The following SATL1 variants were observed in gnomAD, a reference collection of about 807,000 sequenced individuals.
SATL1 encodes the protein spermidine/spermine N1-acetyl transferase like 1.
In SATL1, 47 loss-of-function variants were observed where a neutral mutation model predicts 51.8. The ratio of observed to expected loss-of-function variants is 0.91; its 90% CI spans 0.72 to 1.16. The LOEUF (loss-of-function observed/expected upper bound fraction) is 1.16. SATL1 is among the 50% of genes most tolerant of loss of function. The pLI, the probability that SATL1 is intolerant of heterozygous loss-of-function variation, is 0.00. For missense variants in SATL1, 520 were observed against 526.4 expected (o/e 0.99, Z 0.12); for synonymous variants, 176 against 182.4 (o/e 0.97, Z 0.28).
At chrX:85,237,456 C>G (rs1179081778) in intron 1 of SATL1, among the ~76,000 whole-genome samples, 1 of 111,522 alleles carries the variant, frequency 9.0e-6, no homozygotes, top group African/African-American at 3.3e-5. Flanking sequence ...CAAGAACATA[C>G]ACTGGAGTAA....
At chrX:85,153,802 G>T (rs1314294532) in intron 2 of SATL1, 1 of 111,235 alleles carries the variant, frequency 9.0e-6, no homozygotes, top group East Asian at 2.8e-4. Flanking sequence ...CTCTGGATCT[G>T]ATTTTAGTAG....
At chrX:85,140,190 G>C (rs1237870644) in intron 2 of SATL1, among the ~76,000 whole-genome samples, 1 of 112,072 alleles carries the variant, frequency 8.9e-6, no homozygotes, top group Non-Finnish European at 1.9e-5. Context: ...ATTCAAGGAT[G>C]AAAGCTAAAA....
chrX:85,154,526 T>C (rs1276831771), intron 2 of SATL1, among the ~76,000 whole-genome samples: 2 of 111,988 alleles, frequency 1.8e-5, no homozygotes, highest in African/African-American at 6.5e-5. Context: ...GGCTGAATTA[T>C]AAATGTTTCA....
At chrX:85,181,038 T>C (rs1029786711) in intron 2 of SATL1, among the ~76,000 whole-genome samples, 12 of 108,798 alleles carry the variant, frequency 1.1e-4, no homozygotes, top group Non-Finnish European at 2.1e-4. Context: ...AAGAGAAAAA[T>C]GTGTCATTTG....
chrX:85,219,280 G>GTA (rs1223698196), intron 2 of SATL1: 1 of 112,286 alleles, frequency 8.9e-6, no homozygotes, highest in African/African-American at 3.2e-5. Context: ...AACACTGTGA[G>GTA]TATGAATTAT....
chrX:85,096,279 C>G (rs1015799564), intron 4 of SATL1, among the ~76,000 whole-genome samples: 36 of 110,577 alleles, frequency 3.3e-4, no homozygotes, highest in African/African-American at 1.2e-3. Context: ...ATGCACTGTA[C>G]TGGAGGGGTT....
At chrX:85,113,967 C>T (rs1658394389) in intron 2 of SATL1, among the ~76,000 whole-genome samples, 1 of 111,599 alleles carries the variant, frequency 9.0e-6, no homozygotes, top group East Asian at 2.8e-4. Context: ...ACTGTGTATA[C>T]AGGGTATGAG....
chrX:85,191,006 T>C (rs967200849), intron 2 of SATL1, among the ~76,000 whole-genome samples: 2 of 105,405 alleles, frequency 1.9e-5, no homozygotes, highest in Non-Finnish European at 3.9e-5. Flanking sequence ...CATTAGGAGA[T>C]ATACCTAATG....
chrX:85,096,749 G>T (rs1924732443), intron 4 of SATL1, among the ~76,000 whole-genome samples: 2 of 109,956 alleles, frequency 1.8e-5, no homozygotes, highest in Admixed American at 2.0e-4. Context: ...TTTAAAGTCT[G>T]GGGGGCAGGG....
intron 3 of SATL1, among the ~76,000 whole-genome samples, 196 bp from the exon 4 acceptor site, chrX:85,104,111 TAAAG>T (rs889948623): frequency 5.4e-5 from 6 of 111,703 alleles, no homozygotes; most frequent in African/African-American, 1.3e-4. Context: ...TAAATATTAT[TAAAG>T]AGAGAGATTA....
chrX:85,112,435 C>T (rs1925281831), intron 2 of SATL1, among the ~76,000 whole-genome samples: 1 of 111,067 alleles, frequency 9.0e-6, no homozygotes, highest in African/African-American at 3.3e-5. Context: ...GGATGAAGCG[C>T]ACGGTTTGAC....
chrX:85,221,791 A>G (rs1257157290), intron 2 of SATL1, among the ~76,000 whole-genome samples: 2 of 112,252 alleles, frequency 1.8e-5, no homozygotes, highest in East Asian at 5.6e-4. Flanking sequence ...CAGTTGTTGA[A>G]AGACTCCTTT....
At chrX:85,175,634 A>G (rs960524626) in intron 2 of SATL1, among the ~76,000 whole-genome samples, 2 of 111,376 alleles carry the variant, frequency 1.8e-5, no homozygotes, top group Non-Finnish European at 3.8e-5. Context: ...AAAGGTGTGG[A>G]CAGATTAAAT....
At chrX:85,177,287 GGTTA>G (rs1480860022) in intron 2 of SATL1, among the ~76,000 whole-genome samples, 10 of 111,658 alleles carry the variant, frequency 9.0e-5, no homozygotes, top group African/African-American at 3.2e-4. Flanking sequence ...AATGTACTAT[GGTTA>G]CATAAGGTAT....
chrX:85,129,792 A>G (rs1925732606), intron 2 of SATL1, among the ~76,000 whole-genome samples: 1 of 111,586 alleles, frequency 9.0e-6, no homozygotes, highest in Non-Finnish European at 1.9e-5. Context: ...TTTGGCATAA[A>G]TAGCTCTTAT....
At chrX:85,147,482 A>T (rs1325350763) in intron 2 of SATL1, among the ~76,000 whole-genome samples, 3 of 114,378 alleles carry the variant, frequency 2.6e-5, no homozygotes, top group African/African-American at 9.5e-5. Context: ...TTCTCCCAGC[A>T]TGCAGCTGGA....
chrX:85,174,730 T>C (rs1402450781), intron 2 of SATL1, among the ~76,000 whole-genome samples: 1 of 111,646 alleles, frequency 9.0e-6, no homozygotes, highest in Non-Finnish European at 1.9e-5. Flanking sequence ...GTAAATTTTC[T>C]CTCAACTAAT....
intron 2 of SATL1, among the ~76,000 whole-genome samples, chrX:85,147,101 C>T (rs969636605): frequency 2.6e-5 from 3 of 114,175 alleles, no homozygotes; most frequent in Admixed American, 9.2e-5. Context: ...CCTGGAAAAT[C>T]GGGTCACTCC....
chrX:85,092,589 A>G, intron 7 of SATL1, 28 bp from the exon 8 acceptor site: 1 of 1,167,508 alleles, frequency 8.6e-7, no homozygotes, highest in Non-Finnish European at 1.2e-6. Context: ...AGCAAATATT[A>G]CTTTCATTTG....
Sources: gnomAD v4.1 joint callset for allele counts (sites outside exome capture counted in the v4.1 genomes callset) on GRCh38, gnomAD v4.1.1 for gene constraint, MANE v1.5 for transcripts, NCBI Gene and HGNC (gene_info 2026-07-23, HGNC 2026-07-21) for gene names.